Variants in CPA6 observed in about 807,000 individuals in gnomAD.
CPA6 encodes the protein carboxypeptidase A6.
CPA6 carries 58 observed loss-of-function variants against 63.3 expected under a neutral mutation model. That is an observed-to-expected ratio of 0.92 (90% CI 0.74 to 1.14). The LOEUF is 1.14. Among genes scored for constraint, CPA6 ranks in the 50% most tolerant of loss-of-function variants. The pLI, the probability that CPA6 is intolerant of heterozygous loss-of-function variation, is 0.00. For missense variants in CPA6, 565 were observed against 526.6 expected (o/e 1.07, Z -0.71); for synonymous variants, 185 against 179.0 (o/e 1.03, Z -0.27).
chr8:67,460,507 T>C (rs550209310), intron 8 of CPA6, among the ~76,000 whole-genome samples: 8 of 152,336 alleles, frequency 5.3e-5, no homozygotes, highest in African/African-American at 1.9e-4. Context: ...TGAATCATAT[T>C]ATTACTTTGT....
At chr8:67,719,791 T>A (rs940762228) in intron 1 of CPA6, among the ~76,000 whole-genome samples, 4 of 151,594 alleles carry the variant, frequency 2.6e-5, no homozygotes, top group African/African-American at 7.3e-5. Flanking sequence ...AAAAATGAGG[T>A]TTTGATTCTG....
intron 3 of CPA6, among the ~76,000 whole-genome samples, chr8:67,515,059 T>C (rs1449266859): frequency 6.6e-6 from 1 of 152,186 alleles, no homozygotes; most frequent in Non-Finnish European, 1.5e-5. Flanking sequence ...CTAGAGAGAC[T>C]GGGCCCTCAC....
chr8:67,473,594 A>G (rs567970910), intron 8 of CPA6, among the ~76,000 whole-genome samples: 1 of 152,158 alleles, frequency 6.6e-6, no homozygotes, highest in African/African-American at 2.4e-5. Context: ...GCTAGTTTTA[A>G]GGGGATTTTA....
chr8:67,670,406 C>T (rs547316667), intron 1 of CPA6, among the ~76,000 whole-genome samples: 2 of 152,104 alleles, frequency 1.3e-5, no homozygotes, highest in Non-Finnish European at 2.9e-5. Context: ...GGGAAAAATC[C>T]GCCTCAGTGA....
chr8:67,656,206 G>T (rs1815980878), intron 1 of CPA6, among the ~76,000 whole-genome samples: 1 of 152,080 alleles, frequency 6.6e-6, no homozygotes, highest in Non-Finnish European at 1.5e-5. Context: ...TCCTCTCCTG[G>T]CCTGGGTCAT....
chr8:67,450,056 T>A (rs1446694520), intron 8 of CPA6, among the ~76,000 whole-genome samples: 5 of 151,648 alleles, frequency 3.3e-5, no homozygotes, highest in Non-Finnish European at 5.9e-5. Flanking sequence ...CCTCAGGTGA[T>A]CCAACCACCT....
intron 1 of CPA6, among the ~76,000 whole-genome samples, chr8:67,713,117 A>G (rs546272604): frequency 0.042 from 5,286 of 125,408 alleles, 356 homozygotes; most frequent in Non-Finnish European, 0.052. Context: ...ATATATATAT[A>G]TATATATATA....
intron 2 of CPA6, among the ~76,000 whole-genome samples, chr8:67,520,445 AT>A (rs1337310599): frequency 2.0e-5 from 3 of 152,178 alleles, no homozygotes; most frequent in African/African-American, 7.2e-5. Flanking sequence ...AAAATCAGGA[AT>A]TCTATTTTGT....
At chr8:67,724,469 A>G (rs2623840) in intron 1 of CPA6, among the ~76,000 whole-genome samples, 97,660 of 152,112 alleles carry the variant, frequency 0.64, 31,948 homozygotes, top group Admixed American at 0.72. Flanking sequence ...CAAAACAAAA[A>G]GCCCCACTGA....
intron 1 of CPA6, among the ~76,000 whole-genome samples, chr8:67,690,251 G>A (rs1026283933): frequency 6.6e-6 from 1 of 152,120 alleles, no homozygotes; most frequent in Non-Finnish European, 1.5e-5. Flanking sequence ...AAGTGGACTG[G>A]TCTGCATAGA....
chr8:67,648,433 A>G (rs1815764765), intron 1 of CPA6, among the ~76,000 whole-genome samples: 1 of 152,124 alleles, frequency 6.6e-6, no homozygotes, highest in Admixed American at 6.5e-5. Context: ...GCTGCATCAT[A>G]CTGCCAGCTC....
rs1812045202 is a variant in CPA6 at position 67,511,652 on chromosome 8, G to A, written c.321C>T (p.Val107=). Residue 107 remains valine (V), a synonymous_variant, in exon 4 of 11, where the codon GTC becomes GTT. Transcript: ENST00000297770. ...GTGTTTTCTGAAGATCTTCTATGAG[G>A]ACCCTGAATTTGGAATGACAGACAT... ...FLQEANIQYK[V]LIEDLQKTLE... is the part of the protein sequence containing the mutation. 6.3e-7 allele frequency: 1 copy of A among 1,584,048 alleles called. No individual in the cohort carries two copies.
At chr8:67,617,905 T>TGG (rs1212577075) in intron 2 of CPA6, among the ~76,000 whole-genome samples, 1 of 151,174 alleles carries the variant, frequency 6.6e-6, no homozygotes, top group Non-Finnish European at 1.5e-5. Flanking sequence ...TTTCTTGCCA[T>TGG]GGGGCAGTTC....
chr8:67,423,998 GCCT>G (rs1485898808), intron 10 of CPA6, among the ~76,000 whole-genome samples: 1 of 152,166 alleles, frequency 6.6e-6, no homozygotes, highest in Admixed American at 6.5e-5. Flanking sequence ...CCTGAGCTCT[GCCT>G]CCTGTCAGAT....
chr8:67,570,502 A>G, intron 2 of CPA6, among the ~76,000 whole-genome samples: 1 of 152,218 alleles, frequency 6.6e-6, no homozygotes, highest in Admixed American at 6.5e-5. Flanking sequence ...ACTAGAGCTA[A>G]AATAAATTAC....
intron 10 of CPA6, among the ~76,000 whole-genome samples, chr8:67,424,826 G>A (rs186343608): frequency 2.6e-5 from 4 of 152,004 alleles, no homozygotes; most frequent in Admixed American, 1.3e-4. Context: ...CTCAGATCCC[G>A]CTTTCAAGGT....
intron 2 of CPA6, among the ~76,000 whole-genome samples, chr8:67,519,701 G>A (rs1294830756): frequency 1.3e-5 from 2 of 152,160 alleles, no homozygotes; most frequent in African/African-American, 4.8e-5. Flanking sequence ...GTGTGAGGCT[G>A]GAAGGGATGC....
intron 2 of CPA6, among the ~76,000 whole-genome samples, chr8:67,557,652 C>A (rs1244701962): frequency 2.0e-5 from 3 of 152,196 alleles, no homozygotes; most frequent in African/African-American, 7.2e-5. Flanking sequence ...GCTCCTGGGG[C>A]ACCAGTATCA....
intron 1 of CPA6, among the ~76,000 whole-genome samples, chr8:67,724,369 C>T (rs948243185): frequency 2.6e-5 from 4 of 152,292 alleles, no homozygotes; most frequent in Middle Eastern, 3.4e-3. Flanking sequence ...TGACGTGTGC[C>T]CCCACGTCTC....
Sources: allele counts gnomAD v4.1 joint callset (sites outside exome capture counted in the v4.1 genomes callset), GRCh38; gene constraint gnomAD v4.1.1; transcripts MANE v1.5; gene names NCBI Gene and HGNC (gene_info 2026-07-23, HGNC 2026-07-21).